Variants in POU2F3 observed in about 807,000 individuals in gnomAD.
POU2F3 encodes POU class 2 homeobox 3.
A neutral mutation model predicts 59.2 loss-of-function variants in POU2F3; 23 were observed. The ratio of observed to expected loss-of-function variants is 0.39; its 90% CI spans 0.28 to 0.55. The LOEUF is 0.55. POU2F3 is among the 20% of genes least tolerant of loss of function. The pLI, the probability that POU2F3 is intolerant of heterozygous loss-of-function variation, is 0.66. For synonymous variants in POU2F3, 190 were observed against 214.6 expected (o/e 0.89, Z 1.00); for missense variants, 473 against 544.5 (o/e 0.87, Z 1.31).
chr11:120,236,724 C>T (rs1022449889), upstream of POU2F3: 154 of 1,467,610 alleles, frequency 1.0e-4, no homozygotes, highest in Middle Eastern at 1.7e-4. Flanking sequence ...GAGTTCTCTA[C>T]GTTCCCATTC....
chr11:120,268,761 C>T (rs1328768326), intron 2 of POU2F3, among the ~76,000 whole-genome samples: 1 of 152,232 alleles, frequency 6.6e-6, no homozygotes, highest in Non-Finnish European at 1.5e-5. Flanking sequence ...TAGGTGTCAT[C>T]TCTCCTGGAG....
At chr11:120,236,975 G>T (rs1177166152), upstream of POU2F3, among the ~76,000 whole-genome samples, 1 of 152,172 alleles carries the variant, frequency 6.6e-6, no homozygotes, top group African/African-American at 2.4e-5. Flanking sequence ...CAAATGAAGG[G>T]TTCAATGATA....
At chr11:120,306,349 G>C (rs1314407625) in intron 8 of POU2F3, among the ~76,000 whole-genome samples, 2 of 152,154 alleles carry the variant, frequency 1.3e-5, no homozygotes, top group African/African-American at 2.4e-5. Flanking sequence ...AGGCAACCCA[G>C]GAGATCAAGC....
At chr11:120,267,937 C>T (rs187628690) in intron 2 of POU2F3, among the ~76,000 whole-genome samples, 46 of 151,946 alleles carry the variant, frequency 3.0e-4, no homozygotes, top group Admixed American at 5.2e-4. Context: ...GAAGGTTGTG[C>T]GGCAGCTCCA....
chr11:120,286,461 G>A (rs541156614), intron 3 of POU2F3, among the ~76,000 whole-genome samples: 3 of 152,296 alleles, frequency 2.0e-5, no homozygotes, highest in East Asian at 1.9e-4. Flanking sequence ...CTATTTGATT[G>A]TATTTATTGA....
intron 1 of POU2F3, among the ~76,000 whole-genome samples, chr11:120,245,600 T>C (rs1938836438): frequency 6.6e-6 from 1 of 152,288 alleles, no homozygotes; most frequent in East Asian, 1.9e-4. Context: ...AAGTTGCCTC[T>C]CTTCTTCCCC....
chr11:120,271,453 T>G (rs1364639871), intron 3 of POU2F3, among the ~76,000 whole-genome samples: 1 of 152,242 alleles, frequency 6.6e-6, no homozygotes, highest in Non-Finnish European at 1.5e-5. Flanking sequence ...TTGGGATGTG[T>G]CTTGGGCCCT....
At chr11:120,302,192 G>C (rs888054769) in intron 5 of POU2F3, 94 bp from the exon 6 acceptor site, 1 of 1,065,370 alleles carries the variant, frequency 9.4e-7, no homozygotes, top group Non-Finnish European at 1.4e-6. Flanking sequence ...GCAGGGGGTG[G>C]GGACAGTGAT....
At chr11:120,237,970 G>A (rs1938541514), upstream of POU2F3, among the ~76,000 whole-genome samples, 1 of 152,226 alleles carries the variant, frequency 6.6e-6, no homozygotes, top group South Asian at 2.1e-4. Flanking sequence ...GCAGGGGACG[G>A]TGGCTCACAC....
At chr11:120,237,417 C>T (rs1371761293), upstream of POU2F3, among the ~76,000 whole-genome samples, 1 of 152,122 alleles carries the variant, frequency 6.6e-6, no homozygotes, top group East Asian at 1.9e-4. Flanking sequence ...CTCCAAGGTC[C>T]TATCTGTGCC....
In POU2F3 at chr11:120,307,508, ACG is replaced by A; in HGVS notation, c.801_802del (p.Pro268GlnfsTer8). ...ESSPSDPSVS[T>X]PSSYPSLSEV... ...CTCTCCGTCAGACCCCTCAGTGAGC[ACG>A]CCCAGCTCCTACCCCAGCCTCAGTG... is the stretch of plus-strand genomic sequence containing the variant. On this transcript the variant is annotated frameshift_variant, in exon 9 of 13. Coordinates refer to ENST00000543440, the MANE Select transcript of POU2F3 (RefSeq NM_014352.4). LOFTEE classifies it high-confidence loss of function. 6.2e-7 allele frequency: 1 copy of A among 1,614,184 alleles called. No individual in the cohort carries two copies. The highest frequency in any genetic ancestry group is 1.1e-5 in the South Asian group (1 of 91,082).
chr11:120,310,295 A>G (rs1941619679), intron 10 of POU2F3, among the ~76,000 whole-genome samples: 1 of 152,216 alleles, frequency 6.6e-6, no homozygotes, highest in Non-Finnish European at 1.5e-5. Flanking sequence ...CAAGAAAGGA[A>G]GCAAAGATGA....
At chr11:120,270,597 A>G (rs1415137169) in intron 3 of POU2F3, among the ~76,000 whole-genome samples, 2 of 152,202 alleles carry the variant, frequency 1.3e-5, no homozygotes, top group Non-Finnish European at 2.9e-5. Flanking sequence ...AGATTCTGCT[A>G]TCCTGAGTCC....
intron 2 of POU2F3, chr11:120,254,088 G>C (rs1289427238): frequency 6.6e-6 from 1 of 152,220 alleles, no homozygotes; most frequent in Non-Finnish European, 1.5e-5. Context: ...CCAGCCCCAA[G>C]CTGGGAGTAA....
intron 3 of POU2F3, among the ~76,000 whole-genome samples, chr11:120,297,747 A>C (rs1163006997): frequency 6.6e-6 from 1 of 152,016 alleles, no homozygotes; most frequent in Admixed American, 6.6e-5. Flanking sequence ...AAAAAAGAAT[A>C]TCATCTCAGA....
At chr11:120,240,482 A>T in intron 1 of POU2F3, 111 bp downstream of exon 1, 1 of 1,218,162 alleles carries the variant, frequency 8.2e-7, no homozygotes, top group Non-Finnish European at 1.0e-6. Context: ...AGCGGCCAGG[A>T]GAGGGCGGTG....
intron 2 of POU2F3, among the ~76,000 whole-genome samples, chr11:120,257,846 G>A (rs1227157477): frequency 1.3e-5 from 2 of 152,194 alleles, no homozygotes; most frequent in East Asian, 1.9e-4. Flanking sequence ...GCATTTTGGT[G>A]CAAATGAACC....
intron 6 of POU2F3, 33 bp from the exon 7 acceptor site, chr11:120,304,997 C>A: frequency 1.7e-6 from 2 of 1,170,264 alleles, no homozygotes; most frequent in Non-Finnish European, 2.4e-6. Flanking sequence ...TATTGATCTT[C>A]GTGGTGGATC....
At chr11:120,236,812 C>T (rs944671320), upstream of POU2F3, 86 of 1,177,586 alleles carry the variant, frequency 7.3e-5, 1 homozygote, top group Middle Eastern at 4.0e-4. Context: ...CCCCCTCAAC[C>T]CTATACACAG....
Sources: allele counts gnomAD v4.1 joint callset (sites outside exome capture counted in the v4.1 genomes callset), GRCh38; gene constraint gnomAD v4.1.1; transcripts MANE v1.5; gene names NCBI Gene and HGNC (gene_info 2026-07-23, HGNC 2026-07-21).